The following SLC16A3 variants were observed in gnomAD, a reference collection of about 807,000 sequenced individuals.
SLC16A3 encodes the protein monocarboxylate transporter 4.
SLC16A3 carries 22 observed loss-of-function variants against 25.0 expected under a neutral mutation model. That is an observed-to-expected ratio of 0.88 (90% CI 0.63 to 1.26). The LOEUF (loss-of-function observed/expected upper bound fraction) is 1.26. Among genes scored for constraint, SLC16A3 ranks in the 50% most tolerant of loss-of-function variants. The pLI is 0.00. For missense variants in SLC16A3, 731 were observed against 666.6 expected (o/e 1.10, Z -1.06); for synonymous variants, 390 against 309.2 (o/e 1.26, Z -2.74).
chr17:82,219,772 G>T (rs2050377946), intron 1 of SLC16A3, among the ~76,000 whole-genome samples: 1 of 152,156 alleles, frequency 6.6e-6, no homozygotes, highest in Non-Finnish European at 1.5e-5. Flanking sequence ...GTGGCTACAG[G>T]CGAGCATGGG....
intron 3 of SLC16A3, 26 bp from the exon 4 acceptor site, chr17:82,237,112 C>T: frequency 6.7e-7 from 1 of 1,488,510 alleles, no homozygotes; most frequent in Non-Finnish European, 9.0e-7. Context: ...CCTTGGGGGG[C>T]TCTCACCACA....
rs2050701076 is a variant in SLC16A3, at chr17:82,239,216, C to T, written c.*240C>T. 1 of 373,366 alleles carries T rather than the reference C, an allele frequency of 2.7e-6. No homozygotes were observed. The highest frequency in any genetic ancestry group is 4.8e-6 in the Non-Finnish European group (1 of 209,782). The allele number at this position is 373,366 out of a possible 1,614,324, so 23.1% of individuals were successfully genotyped here. ...GGTTACAAGGCATCCTCACCAGGGG[C>T]CCCGCCTGCTGCTCCCAGGTGGCCT... On this transcript the variant is annotated 3_prime_UTR_variant, in exon 5 of 5. Transcript: ENST00000582743.
chr17:82,240,038 G>A lies in SLC16A3; in HGVS notation c.*1062G>A, dbSNP rs533227051. The stretch of plus-strand genomic sequence containing the variant: ...GTGCCCTGGCGGGCCGCGTGCAGCC[G>A]GAGAGATGCCATGTCCCTGCTCCTC... On this transcript the variant is annotated 3_prime_UTR_variant, in exon 5 of 5. Transcript: ENST00000582743. 377 of 1,233,802 alleles carry A rather than the reference G, an allele frequency of 3.1e-4. 1 individual carries two copies. The South Asian group carries it at 7.2e-3, about 24-fold the overall frequency. The allele number at this position is 1,233,802 out of a possible 1,614,324, so 76.4% of individuals were successfully genotyped here. A position where few individuals can be genotyped will look rare whatever the true frequency, so the allele number is the denominator to read the frequency against.
At chr17:82,231,707 C>CA (rs1209488150) in intron 1 of SLC16A3, 2 of 152,366 alleles carry the variant, frequency 1.3e-5, no homozygotes, top group Non-Finnish European at 2.9e-5. Context: ...GACTTGCGCC[C>CA]AGCCCCACTT....
chr17:82,218,580 G>A (rs1039736357), intron 1 of SLC16A3, among the ~76,000 whole-genome samples: 10 of 152,188 alleles, frequency 6.6e-5, no homozygotes, highest in African/African-American at 1.7e-4. Flanking sequence ...GTAAGGTGCC[G>A]AGGGTGTGTG....
At position 82,239,640 on chromosome 17, in the gene SLC16A3, T is replaced by G; in HGVS notation, c.*664T>G. On this transcript the variant is annotated 3_prime_UTR_variant, in exon 5 of 5. Coordinates refer to ENST00000582743, the MANE Select transcript of SLC16A3 (RefSeq NM_004207.4). ...GGGGCAGGCGCTGCATGGAGGGGGC[T>G]GCGGGGCAGGTGCCTGGAGGCCGCT... 3.6e-6 allele frequency: 1 copy of G among 277,024 alleles called. No individual in the cohort carries two copies. Among genetic ancestry groups the G allele is most frequent in the Non-Finnish European group, 6.7e-6 (1 of 148,822 alleles). The allele number at this position is 277,024 out of a possible 1,614,324, so 17.2% of individuals were successfully genotyped here. A position where few individuals can be genotyped will look rare whatever the true frequency, so the allele number is the denominator to read the frequency against.
Position 82,236,234 on chromosome 17 carries a change from G to A in SLC16A3, c.223+3G>A, listed in dbSNP as rs896747697. The A allele has an allele frequency of 1.5e-5, 24 of 1,612,280 alleles. No individual in the cohort carries two copies. In the Middle Eastern group the frequency reaches 4.9e-4, roughly 33 times the overall value. On this transcript the variant is annotated splice_donor_region_variant and intron_variant, in intron 2 of 4. Transcript: ENST00000582743. ...GCTGGCCATGCTCTACGGGACAGGT[G>A]AGGGTGGCCTCACACCGGGCCCCCT...
chr17:82,219,625 G>A (rs997528050), intron 1 of SLC16A3, among the ~76,000 whole-genome samples: 1 of 152,140 alleles, frequency 6.6e-6, no homozygotes, highest in Non-Finnish European at 1.5e-5. Flanking sequence ...GGGGTTCTGG[G>A]GCCCCTGCCT....
chr17:82,227,573 A>AGCATGGT (rs2050431953), upstream of SLC16A3, among the ~76,000 whole-genome samples: 1 of 142,336 alleles, frequency 7.0e-6, no homozygotes, highest in African/African-American at 2.5e-5. Context: ...GGAAGATGGG[A>AGCATGGT]GCACCACCTG....
At chr17:82,225,895 C>T (rs1236177645), upstream of SLC16A3, among the ~76,000 whole-genome samples, 1 of 152,106 alleles carries the variant, frequency 6.6e-6, no homozygotes, top group African/African-American at 2.4e-5. Context: ...GCTGTGGTGA[C>T]CCTTGGAGAA....
At chr17:82,223,922 C>T (rs923683792), upstream of SLC16A3, among the ~76,000 whole-genome samples, 4 of 151,948 alleles carry the variant, frequency 2.6e-5, no homozygotes, top group Non-Finnish European at 4.4e-5. Context: ...GGCCAGCACA[C>T]GACAGCTGCT....
chr17:82,237,523 C>T lies in SLC16A3; in HGVS notation c.753C>T (p.Ser251=). 6.2e-7 allele frequency: 1 copy of T among 1,611,638 alleles called. No individual in the cohort carries two copies. Among genetic ancestry groups the T allele is most frequent in the Non-Finnish European group, 8.5e-7 (1 of 1,179,378 alleles). ...GLFVPPVFVV[S]YAKDLGVPDT... ...TCGTCCCGCCCGTGTTCGTGGTGAG[C>T]TACGCCAAGGACCTGGGCGTGCCCG... The change falls in exon 4 of 5, where the codon AGC becomes AGT. Residue 251 remains serine (S), a synonymous_variant. Transcript: ENST00000582743.
intron 1 of SLC16A3, chr17:82,234,030 C>CG (rs533402578): frequency 3.5e-5 from 5 of 144,008 alleles, no homozygotes; most frequent in African/African-American, 1.0e-4. Flanking sequence ...TTAGTAGAGA[C>CG]GGGGTTTCAC....
chr17:82,226,795 G>T (rs752059009), upstream of SLC16A3, among the ~76,000 whole-genome samples: 2 of 152,128 alleles, frequency 1.3e-5, no homozygotes, highest in Non-Finnish European at 2.9e-5. Context: ...GGTCTCGGAG[G>T]CTCTGGCCCC....
intron 1 of SLC16A3, chr17:82,235,608 T>C (rs555862477): frequency 1.0e-5 from 3 of 286,092 alleles, no homozygotes; most frequent in Admixed American, 9.0e-5. Context: ...AATCATGGTG[T>C]GCGTGGTCCC....
intron 4 of SLC16A3, among the ~76,000 whole-genome samples, 196 bp downstream of exon 4, chr17:82,238,089 G>T (rs1042595769): frequency 6.6e-6 from 1 of 152,204 alleles, no homozygotes. Context: ...TGCTCCGTCC[G>T]GCACAGTGTG....
At chr17:82,227,473 C>G (rs2050430680), upstream of SLC16A3, among the ~76,000 whole-genome samples, 1 of 152,074 alleles carries the variant, frequency 6.6e-6, no homozygotes, top group Non-Finnish European at 1.5e-5. Context: ...AGGCAATACC[C>G]CATAGGGGAC....
At chr17:82,236,695 A>AGGCCC in intron 2 of SLC16A3, 34 bp from the exon 3 acceptor site, 1 of 1,588,528 alleles carries the variant, frequency 6.3e-7, no homozygotes, top group Non-Finnish European at 8.5e-7. Context: ...AGCTGGCTGC[A>AGGCCC]GGCCCGGCCC....
At chr17:82,236,436 C>T (rs895626769) in intron 2 of SLC16A3, 4 of 634,730 alleles carry the variant, frequency 6.3e-6, no homozygotes, top group Admixed American at 2.9e-5. Context: ...ATCCTGGCCC[C>T]TGTCCAAACG....
Sources: gnomAD v4.1 joint callset for allele counts (sites outside exome capture counted in the v4.1 genomes callset) on GRCh38, gnomAD v4.1.1 for gene constraint, MANE v1.5 for transcripts, NCBI Gene and HGNC (gene_info 2026-07-23, HGNC 2026-07-21) for gene names.